WDR27: variants seen among roughly 807,000 people sequenced by gnomAD.
WDR27 encodes WD repeat domain 27.
A neutral mutation model predicts 114.4 loss-of-function variants in WDR27; 100 were observed. The observed-to-expected ratio is 0.87, with a 90% CI of 0.74 to 1.03. WDR27 has a LOEUF of 1.03. Among genes scored for constraint, WDR27 ranks in the 50% least tolerant of loss-of-function variants. The pLI is 0.00. For synonymous variants in WDR27, 449 were observed against 423.1 expected (o/e 1.06, Z -0.75); for missense variants, 1,129 against 1,092.9 (o/e 1.03, Z -0.47).
intron 6 of WDR27, chr6:169,666,692 C>A: frequency 1.0e-6 from 1 of 987,074 alleles, no homozygotes; most frequent in Non-Finnish European, 1.2e-6. Flanking sequence ...AACGCAAGGA[C>A]CCTGGCATTC....
At chr6:169,611,159 G>C (rs1246968450) in intron 22 of WDR27, among the ~76,000 whole-genome samples, 2 of 152,176 alleles carry the variant, frequency 1.3e-5, no homozygotes, top group African/African-American at 4.8e-5. Context: ...TGAGCAAGAA[G>C]TGAGTGAATG....
At chr6:169,504,850 C>T (rs1425831845) in intron 25 of WDR27, among the ~76,000 whole-genome samples, 1 of 152,214 alleles carries the variant, frequency 6.6e-6, no homozygotes, top group African/African-American at 2.4e-5. Flanking sequence ...TCTGCCACCT[C>T]AGCCTCCCAA....
In WDR27 at chr6:169,462,776, G is replaced by A. The variant is rs78736395; in HGVS notation, c.2646-5142C>T. Among the ~76,000 whole-genome samples the A allele has an allele frequency of 5.6e-3, 857 of 152,012 alleles. 11 individuals are homozygous for A. The highest frequency in any genetic ancestry group is 0.02 in the African/African-American group (823 of 41,452). On this transcript the variant is annotated intron_variant, in intron 25 of 25. Coordinates refer to ENST00000448612, the MANE Select transcript of WDR27 (RefSeq NM_182552.5). The stretch of plus-strand genomic sequence containing the variant: ...AAATGATTATGCATCAAGACAAATT[G>A]GAATTTATTCCTGGAATCCAAAGAT...
intron 25 of WDR27, among the ~76,000 whole-genome samples, chr6:169,516,788 A>ACAC (rs1491166898): frequency 3.4e-5 from 4 of 119,264 alleles, no homozygotes; most frequent in African/African-American, 1.2e-4. Flanking sequence ...GGCATGCTCC[A>ACAC]ACACACACAC....
At chr6:169,691,357 CTTT>C (rs991987028) in intron 1 of WDR27, among the ~76,000 whole-genome samples, 1 of 151,186 alleles carries the variant, frequency 6.6e-6, no homozygotes, top group Non-Finnish European at 1.5e-5. Flanking sequence ...TTTTATCTCA[CTTT>C]TTTTTTAATA....
At chr6:169,663,377 A>T (rs1326377766) in intron 8 of WDR27, among the ~76,000 whole-genome samples, 1 of 152,196 alleles carries the variant, frequency 6.6e-6, no homozygotes. Flanking sequence ...AACCTAAAAG[A>T]AAGAATGAGT....
At chr6:169,562,312 T>C (rs914262637) in intron 25 of WDR27, among the ~76,000 whole-genome samples, 6 of 152,172 alleles carry the variant, frequency 3.9e-5, no homozygotes, top group Admixed American at 3.9e-4. Flanking sequence ...CCTCTATCCA[T>C]GTGGTATTAA....
intron 2 of WDR27, among the ~76,000 whole-genome samples, chr6:169,673,455 T>C (rs1475217504): frequency 6.6e-6 from 1 of 151,568 alleles, no homozygotes; most frequent in Non-Finnish European, 1.5e-5. Flanking sequence ...CACACACACA[T>C]ATACATATAC....
intron 25 of WDR27, among the ~76,000 whole-genome samples, chr6:169,531,581 T>A (rs1332853201): frequency 6.6e-6 from 1 of 151,980 alleles, no homozygotes; most frequent in Non-Finnish European, 1.5e-5. Flanking sequence ...CATGGTCTCA[T>A]GGTCTGCAAT....
chr6:169,610,993 A>T (rs1039336891), intron 22 of WDR27, among the ~76,000 whole-genome samples: 2 of 152,184 alleles, frequency 1.3e-5, no homozygotes, highest in Non-Finnish European at 2.9e-5. Flanking sequence ...CTTCACTACT[A>T]TACAATTCAT....
intron 13 of WDR27, among the ~76,000 whole-genome samples, chr6:169,656,016 C>G (rs913969171): frequency 6.6e-6 from 1 of 152,010 alleles, no homozygotes; most frequent in African/African-American, 2.4e-5. Flanking sequence ...GCCACTGCAC[C>G]CAGCTGGAGA....
intron 20 of WDR27, 63 bp from the exon 21 acceptor site, chr6:169,633,131 C>T: frequency 6.8e-7 from 1 of 1,468,964 alleles, no homozygotes; most frequent in Non-Finnish European, 9.1e-7. Flanking sequence ...GGACAGTTCC[C>T]TCTCTTTTAC....
intron 25 of WDR27, among the ~76,000 whole-genome samples, chr6:169,570,233 G>C (rs1801163263): frequency 6.6e-6 from 1 of 152,196 alleles, no homozygotes; most frequent in Non-Finnish European, 1.5e-5. Flanking sequence ...TAGTCAACGA[G>C]AAAGACCTGG....
chr6:169,483,560 T>C (rs953849398), intron 25 of WDR27, among the ~76,000 whole-genome samples: 1 of 152,184 alleles, frequency 6.6e-6, no homozygotes, highest in Non-Finnish European at 1.5e-5. Context: ...TTTTCAAAGC[T>C]GAGTTGTACC....
intron 25 of WDR27, among the ~76,000 whole-genome samples, chr6:169,552,467 T>C (rs1446096775): frequency 6.6e-6 from 1 of 152,152 alleles, no homozygotes; most frequent in East Asian, 1.9e-4. Context: ...ACAAATGATA[T>C]ATATTTAACA....
chr6:169,691,146 C>G (rs1562945879), intron 1 of WDR27, among the ~76,000 whole-genome samples: 1 of 151,994 alleles, frequency 6.6e-6, no homozygotes, highest in Non-Finnish European at 1.5e-5. Flanking sequence ...ACCTGGGAGG[C>G]AGAGCTTGCA....
chr6:169,516,748 G>A (rs970837057), intron 25 of WDR27, among the ~76,000 whole-genome samples: 2 of 147,498 alleles, frequency 1.4e-5, no homozygotes, highest in African/African-American at 5.0e-5. Flanking sequence ...GGGTAAGACA[G>A]AACTGCAAAC....
intron 19 of WDR27, among the ~76,000 whole-genome samples, chr6:169,635,692 C>T (rs1817516037): frequency 6.6e-6 from 1 of 152,228 alleles, no homozygotes; most frequent in Admixed American, 6.5e-5. Context: ...ATGCAGTGCC[C>T]ATTCCGAGCG....
chr6:169,502,377 T>C (rs553201355), intron 25 of WDR27, among the ~76,000 whole-genome samples: 1 of 152,330 alleles, frequency 6.6e-6, no homozygotes, highest in Admixed American at 6.5e-5. Flanking sequence ...GCAGGCCTCC[T>C]ACTTGAGGGT....
Sources: gnomAD v4.1 joint callset for allele counts (sites outside exome capture counted in the v4.1 genomes callset) on GRCh38, gnomAD v4.1.1 for gene constraint, MANE v1.5 for transcripts, NCBI Gene and HGNC (gene_info 2026-07-23, HGNC 2026-07-21) for gene names.